The following FARP1 variants were observed in gnomAD, a reference collection of about 807,000 sequenced individuals.
FARP1 encodes FERM, ARHGEF and pleckstrin domain-containing protein 1.
FARP1 carries 52 observed loss-of-function variants against 128.8 expected under a neutral mutation model. The observed-to-expected ratio is 0.40, with a 90% CI of 0.32 to 0.51. The LOEUF is 0.51. Among genes scored for constraint, FARP1 ranks in the 20% least tolerant of loss-of-function variants. The pLI is 0.45. For synonymous variants in FARP1, 580 were observed against 551.8 expected (o/e 1.05, Z -0.72); for missense variants, 1,333 against 1,367.9 (o/e 0.97, Z 0.40).
intron 1 of FARP1, among the ~76,000 whole-genome samples, chr13:98,193,850 C>G (rs1280423966): frequency 6.6e-6 from 1 of 152,204 alleles, no homozygotes; most frequent in East Asian, 1.9e-4. Context: ...GCCATCTTAG[C>G]TTCTAGTGAT....
chr13:98,151,258 GT>G (rs1163290823), intron 1 of FARP1, among the ~76,000 whole-genome samples: 1 of 152,110 alleles, frequency 6.6e-6, no homozygotes. Context: ...ATACATTCAA[GT>G]TTACCACAGG....
chr13:98,153,308 A>T, intron 1 of FARP1, among the ~76,000 whole-genome samples: 1 of 27,398 alleles, frequency 3.6e-5, no homozygotes, highest in South Asian at 1.9e-3. Flanking sequence ...ATATATTTAT[A>T]TATAAAATAT....
rs1036797620 is a variant in FARP1, at chr13:98,453,035, A to C, written c.*4718A>C. 1.0e-5 allele frequency: 9 copies of C among 887,004 alleles called. No homozygotes were observed. In the African/African-American group the frequency reaches 1.5e-4, roughly 15 times the overall value. 54.9% of individuals were successfully genotyped at this position (887,004 alleles called of 1,614,324 possible). A position where few individuals can be genotyped will look rare whatever the true frequency, so the allele number is the denominator to read the frequency against. ...CAGTGAAGACTGTGTGTGTCCCTGG[A>C]CGGGCGCCTGGCGCTGGGGTGGCTC... On this transcript the variant is annotated 3_prime_UTR_variant, in exon 27 of 27. Coordinates refer to ENST00000319562, the MANE Select transcript of FARP1 (RefSeq NM_005766.4).
intron 2 of FARP1, among the ~76,000 whole-genome samples, chr13:98,287,905 G>A (rs1357450543): frequency 2.0e-5 from 3 of 149,792 alleles, no homozygotes; most frequent in East Asian, 2.0e-4. Flanking sequence ...TGGTTCAAGC[G>A]ATTCTTCTGC....
chr13:98,276,472 AG>A (rs1259791515), intron 2 of FARP1, among the ~76,000 whole-genome samples: 2 of 152,248 alleles, frequency 1.3e-5, no homozygotes, highest in Non-Finnish European at 2.9e-5. Flanking sequence ...TGATTACAAA[AG>A]CTATGTGATG....
intron 2 of FARP1, among the ~76,000 whole-genome samples, chr13:98,279,894 C>A (rs1241405992): frequency 6.6e-6 from 1 of 152,120 alleles, no homozygotes; most frequent in East Asian, 1.9e-4. Flanking sequence ...GGCGACGCCC[C>A]CCCTCTGTCT....
At chr13:98,386,981 C>T (rs1890120862) in intron 8 of FARP1, among the ~76,000 whole-genome samples, 1 of 152,158 alleles carries the variant, frequency 6.6e-6, no homozygotes, top group Non-Finnish European at 1.5e-5. Context: ...TTTTGACCTG[C>T]ACGCATAGCC....
chr13:98,177,661 A>G (rs1025741395), intron 1 of FARP1, among the ~76,000 whole-genome samples: 1 of 103,910 alleles, frequency 9.6e-6, no homozygotes, highest in African/African-American at 2.8e-5. Context: ...TAAAAAAAAA[A>G]AAACCAAAAA....
chr13:98,270,235 T>TAAGCCC (rs1884326500), intron 2 of FARP1, among the ~76,000 whole-genome samples: 1 of 152,230 alleles, frequency 6.6e-6, no homozygotes, highest in African/African-American at 2.4e-5. Context: ...GAACATGTGT[T>TAAGCCC]AAGCCCATCC....
chr13:98,210,434 CTTT>C (rs1267121019), intron 1 of FARP1, among the ~76,000 whole-genome samples: 1 of 152,152 alleles, frequency 6.6e-6, no homozygotes, highest in Non-Finnish European at 1.5e-5. Flanking sequence ...ACAGGATGTC[CTTT>C]TATAGCCCCA....
chr13:98,313,844 C>G (rs1566866363), intron 2 of FARP1, among the ~76,000 whole-genome samples: 1 of 152,246 alleles, frequency 6.6e-6, no homozygotes. Flanking sequence ...TTGCTCACCT[C>G]CTCGCCCCAC....
At chr13:98,315,755 G>A (rs1886692746) in intron 2 of FARP1, among the ~76,000 whole-genome samples, 1 of 152,188 alleles carries the variant, frequency 6.6e-6, no homozygotes, top group Admixed American at 6.5e-5. Context: ...CTGCAGTGAG[G>A]AGACTTCAGA....
At chr13:98,403,877 A>G (rs918716076) in intron 13 of FARP1, 4 of 152,358 alleles carry the variant, frequency 2.6e-5, no homozygotes, top group Non-Finnish European at 5.9e-5. Flanking sequence ...AACAGGTATC[A>G]TGCTGTAAAA....
intron 2 of FARP1, among the ~76,000 whole-genome samples, chr13:98,218,714 T>C (rs533517522): frequency 6.6e-6 from 1 of 152,332 alleles, no homozygotes; most frequent in African/African-American, 2.4e-5. Flanking sequence ...ATTGGCCTTA[T>C]GTGCGTGTGG....
chr13:98,313,096 G>A lies in FARP1; in HGVS notation c.172-30666G>A, dbSNP rs560962367. ...GTTAAAGTGAAGTCACTCTGGAATCGGGTGGGTCATAATACACACACACAC... is the reference window on the plus strand; with the variant it reads ...GTTAAAGTGAAGTCACTCTGGAATCAGGTGGGTCATAATACACACACACAC... On this transcript the variant is annotated intron_variant, in intron 2 of 26. Transcript: ENST00000319562. 3.2e-3 allele frequency among the ~76,000 whole-genome samples: 474 copies of A among 146,638 alleles called. 3 individuals are homozygous for A. Among genetic ancestry groups the A allele is most frequent in the African/African-American group, 0.01 (409 of 39,446 alleles).
chr13:98,347,754 C>T (rs1227415421), intron 3 of FARP1, among the ~76,000 whole-genome samples: 3 of 152,174 alleles, frequency 2.0e-5, no homozygotes, highest in African/African-American at 7.2e-5. Flanking sequence ...GTCACCTCTG[C>T]CAGTCTTCAT....
intron 13 of FARP1, chr13:98,398,779 GTT>G (rs1217687507): frequency 6.6e-6 from 1 of 152,214 alleles, no homozygotes; most frequent in African/African-American, 2.4e-5. Context: ...GAATCCTGTG[GTT>G]TATCTGTGAA....
rs869304302 is a variant in FARP1, at chr13:98,417,455, GAAAAAAAAAAAAAAA to G, written c.1826+5436_1826+5450del. On this transcript the variant is annotated intron_variant, in intron 16 of 26. Coordinates refer to ENST00000319562, the MANE Select transcript of FARP1 (RefSeq NM_005766.4). ...AGGAAACAGAGGCCACCAGAGGTTT[GAAAAAAAAAAAAAAA>G]AAAAAAAAAAAAAAGAACACATGGG... is the stretch of plus-strand genomic sequence containing the variant. 7.7e-4 allele frequency among the ~76,000 whole-genome samples: 45 copies of G among 58,480 alleles called. 1 individual carries two copies. The highest frequency in any genetic ancestry group is 1.5e-3 in the African/African-American group (27 of 17,468). 38.4% of individuals were successfully genotyped at this position (58,480 alleles called of 152,430 possible).
chr13:98,287,479 T>A (rs1273071531), intron 2 of FARP1, among the ~76,000 whole-genome samples: 1 of 151,956 alleles, frequency 6.6e-6, no homozygotes, highest in East Asian at 1.9e-4. Flanking sequence ...TCCGCCCATC[T>A]CAGCCTCCCA....
Sources: gnomAD v4.1 joint callset for allele counts (sites outside exome capture counted in the v4.1 genomes callset) on GRCh38, gnomAD v4.1.1 for gene constraint, MANE v1.5 for transcripts, NCBI Gene and HGNC (gene_info 2026-07-23, HGNC 2026-07-21) for gene names.